TRMT44: variants seen among roughly 807,000 people sequenced by gnomAD.
TRMT44 encodes tRNA methyltransferase 44 homolog, also known as probable tRNA (uracil-O(2)-)-methyltransferase.
TRMT44 carries 78 observed loss-of-function variants against 77.3 expected under a neutral mutation model. The observed-to-expected ratio is 1.01, with a 90% confidence interval of 0.84 to 1.22. TRMT44 has a LOEUF of 1.22. Among genes scored for constraint, TRMT44 ranks in the 50% most tolerant of loss-of-function variants. The pLI, the probability that TRMT44 is intolerant of heterozygous loss-of-function variation, is 0.00. For missense variants in TRMT44, 1,090 were observed against 964.4 expected (o/e 1.13, Z -1.73); for synonymous variants, 391 against 383.3 (o/e 1.02, Z -0.23).
chr4:8,442,251 A>T (rs1005941858), intron 1 of TRMT44, among the ~76,000 whole-genome samples: 5 of 152,246 alleles, frequency 3.3e-5, no homozygotes, highest in Admixed American at 6.5e-5. Flanking sequence ...TGGCCAGTTT[A>T]TACAGGCATG....
intron 6 of TRMT44, among the ~76,000 whole-genome samples, chr4:8,459,984 C>G (rs1034584353): frequency 6.6e-6 from 1 of 152,102 alleles, no homozygotes; most frequent in Non-Finnish European, 1.5e-5. Context: ...TCAAGACACC[C>G]GGGGGTCTGG....
intron 9 of TRMT44, 32 bp from the exon 10 acceptor site, chr4:8,471,052 T>C: frequency 6.7e-7 from 1 of 1,498,134 alleles, no homozygotes; most frequent in Non-Finnish European, 9.1e-7. Flanking sequence ...TTGCTGTTGT[T>C]TTGGGGAAAA....
At chr4:8,484,753 A>T (rs1727750108) in intron 2 of TRMT44, among the ~76,000 whole-genome samples, 1 of 152,158 alleles carries the variant, frequency 6.6e-6, no homozygotes, top group South Asian at 2.1e-4. Context: ...TTGTGAGTTT[A>T]TATAATGGTT....
chr4:8,496,660 C>T (rs1368886376), downstream of TRMT44, among the ~76,000 whole-genome samples: 10 of 152,124 alleles, frequency 6.6e-5, no homozygotes, highest in Admixed American at 2.6e-4. Flanking sequence ...TAATTAGAAA[C>T]GCGTATTAAT....
At chr4:8,467,299 C>T (rs895725789) in intron 8 of TRMT44, among the ~76,000 whole-genome samples, 3 of 152,158 alleles carry the variant, frequency 2.0e-5, no homozygotes, top group African/African-American at 4.8e-5. Context: ...GGGGCGGCAG[C>T]GGGAAACTAG....
the TRMT44 span, chr4:8,512,076 A>G: frequency 1.1e-3 from 166 of 151,890 alleles, 1 homozygote; most frequent in African/African-American, 3.8e-3. Context: ...TAAAATTATT[A>G]TTATTGTGGA....
At chr4:8,516,809 A>T in the TRMT44 span, among the ~76,000 whole-genome samples, 1 of 151,956 alleles carries the variant, frequency 6.6e-6, no homozygotes, top group African/African-American at 2.4e-5. Flanking sequence ...CAAAAACAAC[A>T]CCATCACCAG....
chr4:8,449,756 G>C lies in TRMT44; in HGVS notation c.822G>C (p.Leu274Phe), dbSNP rs1725303684. 1.3e-6 allele frequency: 2 copies of C among 1,536,036 alleles called. No individual in the cohort carries two copies. The highest frequency in any genetic ancestry group is 8.7e-7 in the Non-Finnish European group (1 of 1,146,884). ...YPKPTWLGEE[L>F]LAKLAKWSVE... The stretch of plus-strand genomic sequence containing the variant: ...AACCCACGTGGCTTGGAGAAGAGTT[G>C]CTGGCCAAGTTGGCCAAGTGGTCTG... The change falls in exon 3 of 11, where the codon TTG becomes TTC. Residue 274 changes from leucine to phenylalanine, a missense_variant. Transcript: ENST00000389737.
intron 10 of TRMT44, among the ~76,000 whole-genome samples, chr4:8,472,251 AGAG>A (rs1214597541): frequency 6.6e-6 from 1 of 152,140 alleles, no homozygotes; most frequent in Admixed American, 6.5e-5. Context: ...TGGAAGGAAA[AGAG>A]GAGTCAGGAA....
At chr4:8,513,049 T>C in the TRMT44 span, among the ~76,000 whole-genome samples, 1 of 152,200 alleles carries the variant, frequency 6.6e-6, no homozygotes, top group South Asian at 2.1e-4. Context: ...TCTCAGTAGC[T>C]GGGATTACAG....
chr4:8,465,441 C>A lies in TRMT44; in HGVS notation c.1374C>A (p.Tyr458Ter), dbSNP rs748076141. 35 of 1,613,970 alleles carry A rather than the reference C, an allele frequency of 2.2e-5. No individual in the cohort carries two copies. Among genetic ancestry groups the A allele is most frequent in the Non-Finnish European group, 2.5e-5 (29 of 1,179,990 alleles). Reference sequence around the variant, plus strand: ...GCTTCTTTGACTTCATTGGAAGATACTCCCGGAGGCAGAGTAAGAAGACTC... The same window carrying A: ...GCTTCTTTGACTTCATTGGAAGATAATCCCGGAGGCAGAGTAAGAAGACTC... ...PCCFFDFIGR[Y>*]SRRQSKKTQY... The change falls in exon 8 of 11, where the codon TAC (tyrosine) becomes TAA (stop). Residue 458 changes from tyrosine (Y) to a stop codon, truncating the protein, a stop_gained. Coordinates refer to ENST00000389737, the MANE Select transcript of TRMT44 (RefSeq NM_152544.3). LOFTEE classifies it high-confidence loss of function.
intron 3 of TRMT44, 131 bp downstream of exon 3, chr4:8,450,019 T>A: frequency 3.6e-6 from 2 of 561,922 alleles, no homozygotes; most frequent in Non-Finnish European, 5.7e-6. Context: ...AGGGCCAGAG[T>A]GAAGTGGTGT....
At chr4:8,443,899 G>T (rs1724904484) in intron 1 of TRMT44, among the ~76,000 whole-genome samples, 1 of 151,918 alleles carries the variant, frequency 6.6e-6, no homozygotes, top group East Asian at 1.9e-4. Context: ...AGTGGAGGTT[G>T]CAGTGAACCA....
At chr4:8,500,487 C>T in the TRMT44 span, among the ~76,000 whole-genome samples, 3 of 151,914 alleles carry the variant, frequency 2.0e-5, no homozygotes, top group Admixed American at 1.3e-4. Flanking sequence ...CAGAGCGAGA[C>T]TCCCTCTGGA....
chr4:8,504,907 C>T, the TRMT44 span, among the ~76,000 whole-genome samples: 1 of 152,290 alleles, frequency 6.6e-6, no homozygotes, highest in African/African-American at 2.4e-5. The surrounding 1 kb of genome is among the most constrained non-coding windows in gnomAD (Gnocchi z 5.3). Context: ...GTACCTGTTG[C>T]TGTATCTACC....
chr4:8,451,830 T>C lies in TRMT44; in HGVS notation c.955-130T>C. ...GAAACCAGTTGTGAATTCCTGCCTTTGAGCTTATGTTTCCTATTTTAGTGT... is the reference window on the plus strand; with the variant it reads ...GAAACCAGTTGTGAATTCCTGCCTTCGAGCTTATGTTTCCTATTTTAGTGT... On this transcript the variant is annotated intron_variant, in intron 3 of 10. Coordinates refer to ENST00000389737, the MANE Select transcript of TRMT44 (RefSeq NM_152544.3). The surrounding 1 kb of genome is among the most constrained non-coding windows in gnomAD (Gnocchi z 4.1). 1 of 801,142 alleles carries C rather than the reference T, an allele frequency of 1.2e-6. No homozygotes were observed. The highest frequency in any genetic ancestry group is 2.0e-6 in the Non-Finnish European group (1 of 495,316). 49.6% of individuals were successfully genotyped at this position (801,142 alleles called of 1,614,324 possible). A position where few individuals can be genotyped will look rare whatever the true frequency, so the allele number is the denominator to read the frequency against.
chr4:8,492,040 G>A (rs1728023611), intron 2 of TRMT44, among the ~76,000 whole-genome samples: 1 of 152,220 alleles, frequency 6.6e-6, no homozygotes, highest in South Asian at 2.1e-4. Context: ...AAAATGCCAT[G>A]GTCTTTCTTT....
chr4:8,513,806 G>A, the TRMT44 span, among the ~76,000 whole-genome samples: 10 of 152,172 alleles, frequency 6.6e-5, no homozygotes, highest in Non-Finnish European at 1.3e-4. Flanking sequence ...AGCCATCAGG[G>A]AAATGAGGAT....
At chr4:8,491,543 G>A (rs1046126342) in intron 2 of TRMT44, among the ~76,000 whole-genome samples, 2 of 152,228 alleles carry the variant, frequency 1.3e-5, no homozygotes, top group East Asian at 1.9e-4. Flanking sequence ...TGCATGTCCC[G>A]AGCCCTGCCC....
Sources: gnomAD v4.1 joint callset for allele counts (sites outside exome capture counted in the v4.1 genomes callset) on GRCh38, gnomAD v4.1.1 for gene constraint, Gnocchi (gnomAD v3.1) non-coding constraint, MANE v1.5 for transcripts, NCBI Gene and HGNC (gene_info 2026-07-23, HGNC 2026-07-21) for gene names.